The following QTGAL variants were observed in gnomAD, a reference collection of about 807,000 sequenced individuals.
QTGAL encodes the protein queuosine-tRNA galactosyltransferase.
chr17:83,024,551 TA>T, the QTGAL span, among the ~76,000 whole-genome samples: 1 of 152,248 alleles, frequency 6.6e-6, no homozygotes. Context: ...GTGTCCTGTG[TA>T]GAGACCGGGC....
chr17:83,021,959 G>A, the QTGAL span, among the ~76,000 whole-genome samples: 6 of 152,094 alleles, frequency 3.9e-5, no homozygotes, highest in African/African-American at 1.4e-4. Context: ...ATTCCACAGA[G>A]AAAGAACAGG....
the QTGAL span, among the ~76,000 whole-genome samples, chr17:82,997,931 ATATAT>A: frequency 6.3e-5 from 5 of 79,074 alleles, no homozygotes; most frequent in African/African-American, 2.5e-4. Context: ...AAAAAAAAAA[ATATAT>A]ATATATATAT....
the QTGAL span, among the ~76,000 whole-genome samples, chr17:83,047,606 T>C: frequency 1.2e-4 from 14 of 114,638 alleles, 1 homozygote; most frequent in East Asian, 5.7e-4. Flanking sequence ...TCAATCCTTA[T>C]CAAAGAACAA....
At chr17:82,946,985 T>C in the QTGAL span, 1 of 1,558,164 alleles carries the variant, frequency 6.4e-7, no homozygotes. Flanking sequence ...TGTGAGGTCC[T>C]GTCAGGAGCA....
At chr17:83,044,670 G>A in the QTGAL span, among the ~76,000 whole-genome samples, 8 of 152,324 alleles carry the variant, frequency 5.3e-5, no homozygotes, top group South Asian at 8.3e-4. Context: ...AAAGCCAGGC[G>A]CGGCGGCTCA....
chr17:82,954,893 A>G, the QTGAL span, among the ~76,000 whole-genome samples: 1 of 152,332 alleles, frequency 6.6e-6, no homozygotes, highest in South Asian at 2.1e-4. Flanking sequence ...AGGATTCCCT[A>G]TTTAGTAAAT....
the QTGAL span, among the ~76,000 whole-genome samples, chr17:83,037,524 G>T: frequency 1.3e-5 from 2 of 152,228 alleles, no homozygotes; most frequent in African/African-American, 4.8e-5. This position sits in a 1 kb window ranked among gnomAD's most constrained non-coding sequence, Gnocchi z 5.2. Context: ...CCGGGGAGGC[G>T]AGCGCCTGTT....
the QTGAL span, chr17:83,048,479 G>C: frequency 1.2e-6 from 2 of 1,609,660 alleles, no homozygotes; most frequent in Non-Finnish European, 1.7e-6. Flanking sequence ...ACCGCCTCTA[G>C]GAGAGGGAGA....
At chr17:83,036,378 G>A in the QTGAL span, among the ~76,000 whole-genome samples, 10 of 152,322 alleles carry the variant, frequency 6.6e-5, no homozygotes, top group South Asian at 2.1e-3. Flanking sequence ...TGACCAGAGG[G>A]GCCTGAGGGG....
chr17:82,960,355 G>A, the QTGAL span: 2 of 152,390 alleles, frequency 1.3e-5, no homozygotes, highest in South Asian at 2.1e-4. Flanking sequence ...GGGGCCCTGA[G>A]TACCCGTAGG....
chr17:83,048,626 C>T, the QTGAL span: 11 of 1,606,198 alleles, frequency 6.8e-6, no homozygotes, highest in Admixed American at 6.7e-5. Flanking sequence ...TCAACCGTTG[C>T]TTACACTGGG....
chr17:82,988,936 C>T, the QTGAL span, among the ~76,000 whole-genome samples: 1 of 152,208 alleles, frequency 6.6e-6, no homozygotes, highest in South Asian at 2.1e-4. Flanking sequence ...TTGTGTAAGA[C>T]AGTGTGGTGA....
At chr17:82,979,737 T>C in the QTGAL span, among the ~76,000 whole-genome samples, 3 of 152,216 alleles carry the variant, frequency 2.0e-5, no homozygotes, top group Non-Finnish European at 4.4e-5. Flanking sequence ...GCTAGATTCT[T>C]TGTAAATATA....
At chr17:82,997,262 C>A in the QTGAL span, among the ~76,000 whole-genome samples, 2 of 152,172 alleles carry the variant, frequency 1.3e-5, no homozygotes, top group South Asian at 2.1e-4. Context: ...CAAAAGAAGA[C>A]AAATAGCAAA....
chr17:83,007,583 G>C, the QTGAL span, among the ~76,000 whole-genome samples: 1 of 152,086 alleles, frequency 6.6e-6, no homozygotes, highest in Non-Finnish European at 1.5e-5. Context: ...GTGGGCGACA[G>C]GTGAGTACAC....
At chr17:83,034,667 C>A in the QTGAL span, among the ~76,000 whole-genome samples, 2 of 152,300 alleles carry the variant, frequency 1.3e-5, no homozygotes, top group African/African-American at 4.8e-5. Flanking sequence ...CGGTGGGAGG[C>A]CACTGAATCA....
the QTGAL span, chr17:83,048,500 C>G: frequency 7.4e-6 from 12 of 1,613,560 alleles, no homozygotes; most frequent in Middle Eastern, 1.7e-4. Context: ...ATCGTGCCCC[C>G]CAATGATCAC....
chr17:83,031,943 G>A, the QTGAL span, among the ~76,000 whole-genome samples: 1 of 152,250 alleles, frequency 6.6e-6, no homozygotes, highest in Non-Finnish European at 1.5e-5. Context: ...ACTCCACAGA[G>A]CAGCCAGCAC....
the QTGAL span, among the ~76,000 whole-genome samples, chr17:82,967,309 G>C: frequency 6.6e-6 from 1 of 152,158 alleles, no homozygotes; most frequent in South Asian, 2.1e-4. Flanking sequence ...TACGTTCCTG[G>C]AGGTGCTGTG....
Sources: allele counts gnomAD v4.1 joint callset (sites outside exome capture counted in the v4.1 genomes callset), GRCh38; gene constraint gnomAD v4.1.1; non-coding constraint Gnocchi (gnomAD v3.1); transcripts MANE v1.5; gene names NCBI Gene and HGNC (gene_info 2026-07-23, HGNC 2026-07-21).